Variants in PUS7 observed in about 807,000 individuals in gnomAD.
The protein encoded by PUS7 is pseudouridine synthase 7.
In PUS7, 48 loss-of-function variants were observed where a neutral mutation model predicts 79.8. The observed-to-expected ratio is 0.60, with a 90% CI of 0.48 to 0.76. The LOEUF (loss-of-function observed/expected upper bound fraction) is 0.76, where lower values mean the gene tolerates loss of function less well. PUS7 is among the 30% of genes least tolerant of loss of function. The pLI, the probability that PUS7 is intolerant of heterozygous loss-of-function variation, is 0.00. For synonymous variants in PUS7, 286 were observed against 272.2 expected (o/e 1.05, Z -0.50); for missense variants, 729 against 797.6 (o/e 0.91, Z 1.04).
chr7:105,492,706 C>A (rs1174231086), intron 6 of PUS7, among the ~76,000 whole-genome samples: 1 of 151,464 alleles, frequency 6.6e-6, no homozygotes, highest in Non-Finnish European at 1.5e-5. Flanking sequence ...GGGGTTTCAC[C>A]GTTTTTTAGC....
intron 1 of PUS7, among the ~76,000 whole-genome samples, chr7:105,508,924 TA>T (rs1586174451): frequency 1.6e-5 from 2 of 128,396 alleles, no homozygotes; most frequent in South Asian, 2.6e-4. Context: ...CTCACACCTG[TA>T]ATCCCAGCAC....
chr7:105,468,798 G>A (rs571820671), intron 11 of PUS7, among the ~76,000 whole-genome samples: 228 of 151,802 alleles, frequency 1.5e-3, no homozygotes, highest in African/African-American at 3.8e-3. Context: ...AATTACAGGC[G>A]TGAGCCACCA....
intron 1 of PUS7, among the ~76,000 whole-genome samples, chr7:105,515,827 T>TTTATTTA (rs1825874704): frequency 2.2e-5 from 2 of 90,630 alleles, no homozygotes; most frequent in South Asian, 3.1e-4. Flanking sequence ...TTATTTATTT[T>TTTATTTA]GAGACAGAGT....
chr7:105,506,726 T>C (rs2133246983), intron 2 of PUS7, among the ~76,000 whole-genome samples: 1 of 152,242 alleles, frequency 6.6e-6, no homozygotes, highest in South Asian at 2.1e-4. Context: ...TCCGGTCTTT[T>C]CTGGTTTCTT....
At chr7:105,474,889 T>C (rs985305535) in intron 9 of PUS7, among the ~76,000 whole-genome samples, 1 of 152,198 alleles carries the variant, frequency 6.6e-6, no homozygotes, top group African/African-American at 2.4e-5. Flanking sequence ...AAAACAGCCA[T>C]GCTCATTGCT....
At chr7:105,462,400 C>T in intron 14 of PUS7, 1 of 474,800 alleles carries the variant, frequency 2.1e-6, no homozygotes, top group South Asian at 2.7e-5. Flanking sequence ...CTATTGTGCT[C>T]CAGCCTGGGT....
At chr7:105,491,772 G>A (rs777864394) in intron 6 of PUS7, among the ~76,000 whole-genome samples, 155 bp from the exon 7 acceptor site, 7 of 151,982 alleles carry the variant, frequency 4.6e-5, no homozygotes, top group Non-Finnish European at 8.8e-5. Flanking sequence ...ATGAATCCAG[G>A]GAGGCTGGGC....
chr7:105,506,862 C>T (rs6944787), intron 2 of PUS7, among the ~76,000 whole-genome samples: 20,893 of 152,080 alleles, frequency 0.14, 1,862 homozygotes, highest in South Asian at 0.26. Context: ...TACCCTATGA[C>T]GATTCAGGCA....
intron 10 of PUS7, among the ~76,000 whole-genome samples, chr7:105,471,049 A>G (rs960222704): frequency 9.2e-5 from 14 of 152,240 alleles, no homozygotes; most frequent in African/African-American, 3.4e-4. Flanking sequence ...TCAACATACA[A>G]TCACCCTCAG....
chr7:105,487,620 A>G (rs183505583), intron 7 of PUS7, among the ~76,000 whole-genome samples: 1 of 152,288 alleles, frequency 6.6e-6, no homozygotes, highest in African/African-American at 2.4e-5. Context: ...ATGATCCCAG[A>G]TCAAGGTCTT....
chr7:105,509,432 A>T (rs554668403), intron 1 of PUS7, among the ~76,000 whole-genome samples: 10 of 152,126 alleles, frequency 6.6e-5, no homozygotes, highest in Non-Finnish European at 1.2e-4. Flanking sequence ...AATAATTAAG[A>T]AATAATAAAG....
chr7:105,499,501 C>T (rs939254890), intron 5 of PUS7, among the ~76,000 whole-genome samples: 2 of 151,974 alleles, frequency 1.3e-5, no homozygotes. Flanking sequence ...TGTATACTGT[C>T]TCAAAATATA....
chr7:105,474,158 T>G (rs1823987006), intron 9 of PUS7, among the ~76,000 whole-genome samples: 1 of 152,194 alleles, frequency 6.6e-6, no homozygotes, highest in African/African-American at 2.4e-5. Context: ...TAATTATGGT[T>G]CTTTATTTTC....
chr7:105,516,809 G>A (rs997076903), intron 1 of PUS7, among the ~76,000 whole-genome samples: 1 of 152,000 alleles, frequency 6.6e-6, no homozygotes, highest in African/African-American at 2.4e-5. Flanking sequence ...GTGATCTTAT[G>A]AACATAGAAG....
At chr7:105,494,992 AG>A (rs1183950564) in intron 6 of PUS7, 149 bp downstream of exon 6, 18 of 425,118 alleles carry the variant, frequency 4.2e-5, no homozygotes, top group Non-Finnish European at 5.0e-5. Context: ...AAAAAAAAAA[AG>A]AAAGAAAGAA....
At position 105,457,820 on chromosome 7, in the gene PUS7, C is replaced by A; in HGVS notation, c.1956G>T (p.Gln652His). ...GAAGCCAGGTTGTATTCAGCTGCGTCTGGTTCTTGATACTGGTATCCATTT... is the reference window on the plus strand; with the variant it reads ...GAAGCCAGGTTGTATTCAGCTGCGTATGGTTCTTGATACTGGTATCCATTT... ...VLKMDTSIKN[Q>H]TQLNTTWLR Residue 652 changes from glutamine to histidine, a missense_variant, in exon 16 of 16, where the codon CAG (glutamine) becomes CAT (histidine). Coordinates refer to ENST00000469408, the MANE Select transcript of PUS7 (RefSeq NM_019042.5). The A allele has an allele frequency of 6.2e-7, 1 of 1,614,096 alleles. No individual in the cohort carries two copies. The highest frequency in any genetic ancestry group is 8.5e-7 in the Non-Finnish European group (1 of 1,179,986).
chr7:105,493,292 T>C (rs1292104702), intron 6 of PUS7, among the ~76,000 whole-genome samples: 1 of 152,228 alleles, frequency 6.6e-6, no homozygotes, highest in East Asian at 1.9e-4. Context: ...AGAAGTATTT[T>C]ATAAACTTAA....
At chr7:105,477,720 T>C (rs1824170353) in intron 9 of PUS7, among the ~76,000 whole-genome samples, 1 of 149,104 alleles carries the variant, frequency 6.7e-6, no homozygotes, top group Admixed American at 6.6e-5. Flanking sequence ...AAAAAAATCC[T>C]GTCCCATTAG....
intron 1 of PUS7, among the ~76,000 whole-genome samples, chr7:105,521,574 A>C (rs749584275): frequency 1.1e-4 from 17 of 152,254 alleles, no homozygotes; most frequent in Non-Finnish European, 2.2e-4. Flanking sequence ...GCGGCGACGC[A>C]GGACACAGGG....
Sources: allele counts gnomAD v4.1 joint callset (sites outside exome capture counted in the v4.1 genomes callset), GRCh38; gene constraint gnomAD v4.1.1; transcripts MANE v1.5; gene names NCBI Gene and HGNC (gene_info 2026-07-23, HGNC 2026-07-21).